The following VPS33A variants were observed in gnomAD, a reference collection of about 807,000 sequenced individuals.
VPS33A encodes VPS33A core subunit of CORVET and HOPS complexes.
In VPS33A, 32 loss-of-function variants were observed where a neutral mutation model predicts 71.8. The observed-to-expected ratio is 0.45, with a 90% CI of 0.34 to 0.60. The LOEUF (loss-of-function observed/expected upper bound fraction) is 0.60. VPS33A is among the 20% of genes least tolerant of loss of function. The probability of loss-of-function intolerance (pLI) is 0.02; values close to 1 mark genes in which losing one functional copy is unlikely to be tolerated. For missense variants in VPS33A, 625 were observed against 748.5 expected, an observed-to-expected ratio of 0.84 and a Z score of 1.92; for synonymous variants, 311 against 292.7, an observed-to-expected ratio of 1.06 and a Z score of -0.64.
Position 122,259,175 on chromosome 12 carries a change from G to A in VPS33A, c.483+2086C>T, listed in dbSNP as rs1303340432. 2.3e-5 allele frequency among the ~76,000 whole-genome samples: 3 copies of A among 129,192 alleles called. 1 individual carries two copies. Among genetic ancestry groups the A allele is most frequent in the African/African-American group, 8.8e-5 (3 of 34,108 alleles). 84.8% of individuals were successfully genotyped at this position (129,192 alleles called of 152,430 possible). A position where few individuals can be genotyped will look rare whatever the true frequency, so the allele number is the denominator to read the frequency against. ...ATTCTACTCCTAGGGGTGTGTGTGT[G>A]TGTATGTATGTGTGTATGTATGTAT... On this transcript the variant is annotated intron_variant, in intron 4 of 12. Transcript: ENST00000267199.
At position 122,232,381 on chromosome 12, in the gene VPS33A, G is replaced by T; in HGVS notation, c.1656C>A (p.Gly552=). Reference sequence around the variant, plus strand: ...GGGCAGCAATTTCAGCGAAGGTTACGCCCCCAAGGAAAAATATCAGAGTCA... The same window carrying T: ...GGGCAGCAATTTCAGCGAAGGTTACTCCCCCAAGGAAAAATATCAGAGTCA... ...NRVTLIFFLG[G]VTFAEIAALR... is the part of the protein sequence containing the mutation. Residue 552 remains glycine (G), a synonymous_variant, in exon 13 of 13, where the codon GGC becomes GGA. Coordinates refer to ENST00000267199, the MANE Select transcript of VPS33A (RefSeq NM_022916.6). The T allele has an allele frequency of 6.2e-7, 1 of 1,613,968 alleles. No individual in the cohort carries two copies. Among genetic ancestry groups the T allele is most frequent in the Non-Finnish European group, 8.5e-7 (1 of 1,179,998 alleles).
At chr12:122,254,937 G>C (rs1185231100) in intron 4 of VPS33A, among the ~76,000 whole-genome samples, 1 of 151,814 alleles carries the variant, frequency 6.6e-6, no homozygotes, top group African/African-American at 2.4e-5. Context: ...TGTAGTCCCA[G>C]CTACTCAGGA....
chr12:122,263,723 G>A, intron 2 of VPS33A, 24 bp from the exon 3 acceptor site: 1 of 1,563,002 alleles, frequency 6.4e-7, no homozygotes, highest in Non-Finnish European at 8.7e-7. Flanking sequence ...TACACAAAAG[G>A]TTAACAAGAA....
chr12:122,237,442 C>T (rs1337705574), intron 10 of VPS33A, among the ~76,000 whole-genome samples: 1 of 151,434 alleles, frequency 6.6e-6, no homozygotes. Flanking sequence ...ACTCACAAGG[C>T]TGTTGTGAAT....
chr12:122,238,316 G>A (rs1233321269), intron 10 of VPS33A, among the ~76,000 whole-genome samples: 4 of 152,148 alleles, frequency 2.6e-5, no homozygotes, highest in Admixed American at 2.0e-4. Context: ...CGCCTCCTGC[G>A]TTCAAGCGAT....
chr12:122,259,191 A>G (rs10431321), intron 4 of VPS33A, among the ~76,000 whole-genome samples: 5,262 of 91,352 alleles, frequency 0.058, 324 homozygotes, highest in African/African-American at 0.14. Context: ...GTATGTGTGT[A>G]TGTATGTATG....
chr12:122,258,168 T>C (rs561663275), intron 4 of VPS33A, among the ~76,000 whole-genome samples: 6 of 152,030 alleles, frequency 3.9e-5, no homozygotes, highest in East Asian at 3.9e-4. Flanking sequence ...GGCGGGAGGA[T>C]TGCCTGAGCT....
chr12:122,261,397 C>T lies in VPS33A; in HGVS notation c.347G>A (p.Arg116His), dbSNP rs376590100. ...CCGCTGTTCGCACAACAGGCTACGG[C>T]GTGGCACAAACAGAATATGAAAATC... Reference protein sequence around the residue: ...TRDFHILFVPRRSLLCEQRLK... With the variant: ...TRDFHILFVPHRSLLCEQRLK... The change falls in exon 4 of 13, where the codon CGC becomes CAC. Residue 116 changes from arginine (R) to histidine (H), a missense_variant. Coordinates refer to ENST00000267199, the MANE Select transcript of VPS33A (RefSeq NM_022916.6). 13 of 1,613,756 alleles carry T rather than the reference C, an allele frequency of 8.1e-6. No homozygotes were observed. The highest frequency in any genetic ancestry group is 1.0e-5 in the Non-Finnish European group (12 of 1,179,982).
chr12:122,239,578 CA>C (rs1233500005), intron 9 of VPS33A, among the ~76,000 whole-genome samples: 1 of 151,628 alleles, frequency 6.6e-6, no homozygotes, highest in Admixed American at 6.6e-5. Context: ...ATTAAAAATA[CA>C]AAAAATTAGC....
chr12:122,261,578 T>C lies in VPS33A; in HGVS notation c.297-131A>G, dbSNP rs527977398. The C allele has an allele frequency of 1.6e-4, 137 of 855,922 alleles. No homozygotes were observed. The African/African-American group carries it at 2.2e-3, about 14-fold the overall frequency. 53.0% of individuals were successfully genotyped at this position (855,922 alleles called of 1,614,324 possible). A position where few individuals can be genotyped will look rare whatever the true frequency, so the allele number is the denominator to read the frequency against. On this transcript the variant is annotated intron_variant, in intron 3 of 12. Coordinates refer to ENST00000267199, the MANE Select transcript of VPS33A (RefSeq NM_022916.6). ...CTGGCTAGATAAATCATATAAATAC[T>C]GACTCTCAGGCCGGGTGCAGTGGCT...
chr12:122,242,445 G>C lies in VPS33A; in HGVS notation c.1033C>G (p.Gln345Glu). Reference protein sequence around the residue: ...KQFVSQLPHMQAARGSLANHT... With the variant: ...KQFVSQLPHMEAARGSLANHT... ...TTTGCAAGCGAGCCCCTTGCTGCCT[G>C]CATGTGGGGCAACTGGGAAACAAAC... The change falls in exon 8 of 13, where the codon CAG (glutamine) becomes GAG (glutamate). Residue 345 changes from glutamine to glutamate, a missense_variant. Physicochemically the swap from Gln to Glu is conservative, Grantham distance 29. Coordinates refer to ENST00000267199, the MANE Select transcript of VPS33A (RefSeq NM_022916.6). 1 of 1,614,144 alleles carries C rather than the reference G, an allele frequency of 6.2e-7. No homozygotes were observed. Among genetic ancestry groups the C allele is most frequent in the East Asian group, 2.2e-5 (1 of 44,872 alleles).
chr12:122,241,344 C>T (rs975266887), intron 8 of VPS33A, among the ~76,000 whole-genome samples: 1 of 152,024 alleles, frequency 6.6e-6, no homozygotes, highest in Non-Finnish European at 1.5e-5. Flanking sequence ...CCTGCTCTGT[C>T]GCCCAGGCCG....
chr12:122,238,873 G>A (rs76739547), intron 9 of VPS33A, 149 bp from the exon 10 acceptor site: 88 of 926,350 alleles, frequency 9.5e-5, no homozygotes, highest in Non-Finnish European at 1.2e-4. Context: ...AAGGAGATAC[G>A]TGGGAAAATG....
intron 6 of VPS33A, among the ~76,000 whole-genome samples, chr12:122,245,450 T>G (rs1322138908): frequency 2.6e-5 from 4 of 151,736 alleles, no homozygotes; most frequent in African/African-American, 7.3e-5. Context: ...TCTGTTTTTT[T>G]TTTTTTTTTT....
At position 122,240,393 on chromosome 12, in the gene VPS33A, A is replaced by G. The variant is rs528112905; in HGVS notation, c.1097-448T>C. ...GCAATAAGTTCAAGTCATCACCTGA[A>G]GAAAATCTTTTAGGAAACATGGAAA... On this transcript the variant is annotated intron_variant, in intron 8 of 12. Coordinates refer to ENST00000267199, the MANE Select transcript of VPS33A (RefSeq NM_022916.6). Among the ~76,000 whole-genome samples, 7 of 152,330 alleles carry G rather than the reference A, an allele frequency of 4.6e-5. No homozygotes were observed. The South Asian group carries it at 1.4e-3, about 32-fold the overall frequency.
rs71082953 is a variant in VPS33A at position 122,255,707 on chromosome 12, CAAAAAAAAAAAAAA to C, written c.484-4622_484-4609del. Reference sequence around the variant, plus strand: ...GGGGAACAAGAGTGAGACTCCGTCTCAAAAAAAAAAAAAAAAAAAAAAAAAGCCAAGAAAGTCCC... The same window carrying C: ...GGGGAACAAGAGTGAGACTCCGTCTCAAAAAAAAAAAGCCAAGAAAGTCCC... On this transcript the variant is annotated intron_variant, in intron 4 of 12. Coordinates refer to ENST00000267199, the MANE Select transcript of VPS33A (RefSeq NM_022916.6). Among the ~76,000 whole-genome samples, 4 of 35,490 alleles carry C rather than the reference CAAAAAAAAAAAAAA, an allele frequency of 1.1e-4. No individual in the cohort carries two copies. In the South Asian group the frequency reaches 3.6e-3, roughly 32 times the overall value. The allele number at this position is 35,490 out of a possible 152,430, so 23.3% of individuals were successfully genotyped here. A position where few individuals can be genotyped will look rare whatever the true frequency, so the allele number is the denominator to read the frequency against.
chr12:122,247,259 AT>A (rs950880763), intron 6 of VPS33A, among the ~76,000 whole-genome samples: 2 of 151,844 alleles, frequency 1.3e-5, no homozygotes, highest in African/African-American at 4.8e-5. Flanking sequence ...TTCTTGGAAA[AT>A]CCCTTCCCAC....
At chr12:122,241,503 C>T (rs1225859881) in intron 8 of VPS33A, among the ~76,000 whole-genome samples, 1 of 152,030 alleles carries the variant, frequency 6.6e-6, no homozygotes, top group Non-Finnish European at 1.5e-5. Flanking sequence ...TGGTGTTCCA[C>T]TATGTTGGCC....
At chr12:122,239,660 G>A (rs1284716451) in intron 9 of VPS33A, among the ~76,000 whole-genome samples, 4 of 149,264 alleles carry the variant, frequency 2.7e-5, no homozygotes, top group Non-Finnish European at 5.9e-5. Context: ...CAACCCGGGA[G>A]GCGGAGCTTG....
Sources: allele counts gnomAD v4.1 joint callset (sites outside exome capture counted in the v4.1 genomes callset), GRCh38; gene constraint gnomAD v4.1.1; transcripts MANE v1.5; gene names NCBI Gene and HGNC (gene_info 2026-07-23, HGNC 2026-07-21).